The following OR51B5 variants were observed in gnomAD, a reference collection of about 807,000 sequenced individuals.
OR51B5 encodes the protein olfactory receptor 51B5.
For synonymous variants in OR51B5, 186 were observed against 144.8 expected (o/e 1.28, Z -2.04); for missense variants, 456 against 374.6 (o/e 1.22, Z -1.79).
At chr11:5,374,654 G>A (rs1402890106) in intron 1 of OR51B5, among the ~76,000 whole-genome samples, 1 of 152,212 alleles carries the variant, frequency 6.6e-6, no homozygotes, top group African/African-American at 2.4e-5. Context: ...TGATGGAGCT[G>A]AAAGCCAAGG....
chr11:5,369,455 A>G (rs1269413183), intron 1 of OR51B5, among the ~76,000 whole-genome samples: 1 of 152,160 alleles, frequency 6.6e-6, no homozygotes, highest in Admixed American at 6.5e-5. Context: ...CTTTTTATAT[A>G]TTTTTTCTGG....
intron 1 of OR51B5, among the ~76,000 whole-genome samples, chr11:5,482,021 G>C (rs1287462549): frequency 8.4e-6 from 1 of 118,644 alleles, no homozygotes; most frequent in Non-Finnish European, 1.7e-5. Context: ...AGTTCATATG[G>C]AACCAAAAAA....
At chr11:5,385,515 G>C (rs200720108) in intron 1 of OR51B5, 1 of 142,870 alleles carries the variant, frequency 7.0e-6, no homozygotes, top group Non-Finnish European at 1.6e-5. Context: ...TATATATATA[G>C]TGGTACCTAC....
intron 1 of OR51B5, among the ~76,000 whole-genome samples, chr11:5,479,215 T>A (rs1851369174): frequency 6.8e-6 from 1 of 148,146 alleles, no homozygotes. Context: ...TTCAACATTC[T>A]TAAAGAAAAG....
At position 5,364,400 on chromosome 11, in the gene OR51B5, G is replaced by A. The variant is rs549422616; in HGVS notation, n.85-17490C>T. Reference sequence around the variant, plus strand: ...GGCTATGATGCAGTTTAGGAGCTATGTGATGTGTCATTTCTGTGACAGGAT... The same window carrying A: ...GGCTATGATGCAGTTTAGGAGCTATATGATGTGTCATTTCTGTGACAGGAT... On this transcript the variant is annotated intron_variant and non_coding_transcript_variant, in intron 1 of 4. Coordinates refer to the OR51B5 transcript ENST00000415970. 5.9e-4 allele frequency among the ~76,000 whole-genome samples: 90 copies of A among 152,230 alleles called. 3 individuals are homozygous for A. In the Middle Eastern group the frequency reaches 0.01, roughly 17 times the overall value.
At chr11:5,458,701 T>G (rs1209522564) in intron 1 of OR51B5, among the ~76,000 whole-genome samples, 1 of 152,028 alleles carries the variant, frequency 6.6e-6, no homozygotes, top group Non-Finnish European at 1.5e-5. Flanking sequence ...CCTAGGTATT[T>G]TATTCTTTTT....
chr11:5,483,556 A>AG (rs1851458035), intron 1 of OR51B5, among the ~76,000 whole-genome samples: 1 of 149,076 alleles, frequency 6.7e-6, no homozygotes, highest in African/African-American at 2.4e-5. Context: ...AGTACAGCTA[A>AG]AAAAAAAAAG....
At chr11:5,435,244 C>A (rs151072082) in intron 1 of OR51B5, among the ~76,000 whole-genome samples, 110 of 152,312 alleles carry the variant, frequency 7.2e-4, no homozygotes, top group Middle Eastern at 3.4e-3. Context: ...AAACCACTAT[C>A]CTGGACAGAT....
chr11:5,459,060 GC>G (rs1239438064), intron 1 of OR51B5, among the ~76,000 whole-genome samples: 1 of 152,136 alleles, frequency 6.6e-6, no homozygotes, highest in Non-Finnish European at 1.5e-5. Context: ...TCTAGCTTTT[GC>G]CCATTTAGTA....
At chr11:5,496,146 AG>A (rs79377312) in intron 1 of OR51B5, among the ~76,000 whole-genome samples, 13,000 of 151,858 alleles carry the variant, frequency 0.086, 1,019 homozygotes, top group East Asian at 0.45. Context: ...TTGCTTGTGT[AG>A]TCCACGTTGA....
intron 1 of OR51B5, among the ~76,000 whole-genome samples, chr11:5,408,558 T>C (rs967047075): frequency 2.6e-5 from 4 of 152,164 alleles, no homozygotes; most frequent in Non-Finnish European, 5.9e-5. Flanking sequence ...CTGGTGCTAT[T>C]AGCTAGAGAC....
Position 5,489,479 on chromosome 11 carries a change from CCTT to C in OR51B5, n.84+16087_84+16089del, listed in dbSNP as rs561821761. The stretch of plus-strand genomic sequence containing the variant: ...ATCATCCTGGTTTTCTACATCCCTG[CCTT>C]CTTCTCCTTCCTCACCCACCGCTTT... On this transcript the variant is annotated intron_variant and non_coding_transcript_variant, in intron 1 of 4. Transcript: ENST00000415970. 3.6e-3 allele frequency: 5,817 copies of C among 1,614,036 alleles called. 14 individuals carry two copies. Among genetic ancestry groups the C allele is most frequent in the Non-Finnish European group, 4.3e-3 (5,089 of 1,179,960 alleles).
At chr11:5,361,505 G>A (rs1160363197) in intron 1 of OR51B5, among the ~76,000 whole-genome samples, 4 of 152,130 alleles carry the variant, frequency 2.6e-5, no homozygotes, top group South Asian at 2.1e-4. Flanking sequence ...TGAACAGGTC[G>A]GTAAAGAACT....
chr11:5,444,039 G>A (rs1241901816), intron 1 of OR51B5, among the ~76,000 whole-genome samples: 1 of 151,986 alleles, frequency 6.6e-6, no homozygotes, highest in Non-Finnish European at 1.5e-5. Context: ...AAGACTCATT[G>A]GTATTATGCA....
chr11:5,368,739 ATAT>A (rs1564924266), intron 1 of OR51B5, among the ~76,000 whole-genome samples: 1 of 152,200 alleles, frequency 6.6e-6, no homozygotes, highest in African/African-American at 2.4e-5. Context: ...GTTACTCAAA[ATAT>A]TATGCTTTAA....
chr11:5,450,307 T>C (rs1850825061), intron 1 of OR51B5, among the ~76,000 whole-genome samples: 1 of 152,040 alleles, frequency 6.6e-6, no homozygotes, highest in African/African-American at 2.4e-5. Context: ...AAGAATCACC[T>C]GAACCTGGGA....
chr11:5,417,855 G>A (rs1371995394), intron 1 of OR51B5, among the ~76,000 whole-genome samples: 1 of 28,194 alleles, frequency 3.5e-5, no homozygotes, highest in Non-Finnish European at 1.3e-4. Flanking sequence ...CCATTGTGGC[G>A]ATTCCTCAGG....
intron 1 of OR51B5, among the ~76,000 whole-genome samples, chr11:5,368,564 A>C (rs538749933): frequency 1.7e-4 from 26 of 152,170 alleles, no homozygotes; most frequent in Non-Finnish European, 2.6e-4. Flanking sequence ...GAAAATAAAA[A>C]CCTTTAAAAA....
intron 1 of OR51B5, chr11:5,453,772 AT>A (rs1288375558): frequency 6.2e-7 from 1 of 1,614,140 alleles, no homozygotes; most frequent in East Asian, 2.2e-5. Flanking sequence ...ATCACTTTTG[AT>A]GCCTGTCTAA....
Sources: allele counts gnomAD v4.1 joint callset (sites outside exome capture counted in the v4.1 genomes callset), GRCh38; gene constraint gnomAD v4.1.1; transcripts MANE v1.5; gene names NCBI Gene and HGNC (gene_info 2026-07-23, HGNC 2026-07-21).